The following PCDH15 variants were observed in gnomAD, a reference collection of about 807,000 sequenced individuals.
PCDH15 encodes protocadherin-15.
PCDH15 carries 129 observed loss-of-function variants against 178.5 expected under a neutral mutation model. The observed-to-expected ratio is 0.72, with a 90% CI of 0.63 to 0.84. PCDH15 has a LOEUF of 0.84. Ranked by LOEUF, PCDH15 falls within the 40% of genes least tolerant of loss-of-function variation. PCDH15 has a pLI of 0.00. For synonymous variants in PCDH15, 800 were observed against 732.0 expected, an observed-to-expected ratio of 1.09 and a Z score of -1.50; for missense variants, 2,230 against 2,099.9, an observed-to-expected ratio of 1.06 and a Z score of -1.21.
intron 1 of PCDH15, among the ~76,000 whole-genome samples, chr10:55,231,254 C>T (rs1388569287): frequency 3.3e-5 from 5 of 151,824 alleles, no homozygotes; most frequent in African/African-American, 9.7e-5. Flanking sequence ...TTGAGAAGTT[C>T]CTAAAATTGC....
intron 3 of PCDH15, among the ~76,000 whole-genome samples, chr10:54,825,180 A>G (rs1295490608): frequency 1.3e-5 from 2 of 151,976 alleles, no homozygotes; most frequent in Non-Finnish European, 2.9e-5. Context: ...AGCTTCATCC[A>G]TGTCCCTACA....
At chr10:55,551,036 A>G (rs1018967633) in intron 2 of PCDH15, among the ~76,000 whole-genome samples, 2 of 152,072 alleles carry the variant, frequency 1.3e-5, no homozygotes, top group African/African-American at 4.8e-5. Flanking sequence ...CACAAATCTT[A>G]TTTCTGAAGC....
At chr10:54,778,934 A>G (rs1301157435) in intron 1 of PCDH15, among the ~76,000 whole-genome samples, 1 of 152,108 alleles carries the variant, frequency 6.6e-6, no homozygotes, top group Non-Finnish European at 1.5e-5. Flanking sequence ...TACCAAAGGT[A>G]GAGTTGGGTT....
intron 11 of PCDH15, chr10:54,189,290 G>GAA: frequency 7.8e-7 from 1 of 1,278,562 alleles, no homozygotes; most frequent in Admixed American, 2.0e-5. Context: ...TTTTAGTGAA[G>GAA]AAAAAAAAGA....
chr10:54,972,466 G>A (rs1838958658), intron 2 of PCDH15, among the ~76,000 whole-genome samples: 2 of 152,016 alleles, frequency 1.3e-5, no homozygotes, highest in African/African-American at 4.8e-5. Flanking sequence ...CTTGAACCTG[G>A]GAGGCGGAGG....
intron 3 of PCDH15, among the ~76,000 whole-genome samples, chr10:54,467,601 GTTTT>G (rs67776985): frequency 8.8e-5 from 4 of 45,672 alleles, no homozygotes; most frequent in African/African-American, 9.1e-5. Flanking sequence ...TCAAGCTGTA[GTTTT>G]TTTTTTTTTT....
chr10:55,252,338 T>C (rs1841859607), intron 1 of PCDH15, among the ~76,000 whole-genome samples: 1 of 152,096 alleles, frequency 6.6e-6, no homozygotes, highest in African/African-American at 2.4e-5. Context: ...GTTATATAAA[T>C]CAATACCTGC....
At chr10:54,678,073 A>T (rs2094824928) in intron 1 of PCDH15, among the ~76,000 whole-genome samples, 1 of 152,212 alleles carries the variant, frequency 6.6e-6, no homozygotes, top group Non-Finnish European at 1.5e-5. Flanking sequence ...AAATTTTAGA[A>T]CTGCTGTTGT....
intron 20 of PCDH15, among the ~76,000 whole-genome samples, chr10:54,011,976 G>C (rs954289322): frequency 6.6e-6 from 1 of 152,072 alleles, no homozygotes; most frequent in African/African-American, 2.4e-5. Context: ...TCAGAATATG[G>C]GTAGGAATGA....
intron 2 of PCDH15, among the ~76,000 whole-genome samples, chr10:54,662,764 A>C (rs973296322): frequency 1.3e-5 from 2 of 152,136 alleles, no homozygotes; most frequent in African/African-American, 4.8e-5. Context: ...AATAAGAATG[A>C]AAATAGAATG....
chr10:54,900,006 C>A (rs1010497463), intron 2 of PCDH15, among the ~76,000 whole-genome samples: 1 of 151,988 alleles, frequency 6.6e-6, no homozygotes, highest in African/African-American at 2.4e-5. Flanking sequence ...TCTTTATCTG[C>A]CTATGCAATT....
chr10:54,775,097 T>A (rs1223403826), intron 1 of PCDH15, among the ~76,000 whole-genome samples: 2 of 152,186 alleles, frequency 1.3e-5, no homozygotes, highest in East Asian at 3.8e-4. Context: ...AGTACACAGA[T>A]GCTGTTAGAG....
At chr10:55,378,130 C>A (rs1216229036) in intron 2 of PCDH15, among the ~76,000 whole-genome samples, 1 of 152,048 alleles carries the variant, frequency 6.6e-6, no homozygotes, top group African/African-American at 2.4e-5. Flanking sequence ...ATGGGTGCAG[C>A]AGACCACCAT....
intron 13 of PCDH15, among the ~76,000 whole-genome samples, chr10:54,169,074 C>T (rs1350329254): frequency 2.0e-5 from 3 of 152,156 alleles, no homozygotes; most frequent in East Asian, 3.9e-4. Context: ...GCCTGCAGCC[C>T]GGGATTCCTC....
At chr10:55,157,771 C>G (rs1838931139) in intron 2 of PCDH15, among the ~76,000 whole-genome samples, 1 of 149,234 alleles carries the variant, frequency 6.7e-6, no homozygotes, top group Non-Finnish European at 1.5e-5. Context: ...CACTTGGACA[C>G]AGGAAGGGGT....
intron 2 of PCDH15, among the ~76,000 whole-genome samples, chr10:55,444,699 T>G (rs1229721709): frequency 6.6e-6 from 1 of 152,162 alleles, no homozygotes; most frequent in Non-Finnish European, 1.5e-5. Context: ...AATCCAGCTC[T>G]GCTGTAGTAA....
intron 2 of PCDH15, among the ~76,000 whole-genome samples, chr10:55,349,547 C>A (rs915333683): frequency 1.3e-5 from 2 of 151,716 alleles, no homozygotes; most frequent in Non-Finnish European, 2.9e-5. Flanking sequence ...CTTTTTAGCT[C>A]TGAAAAATTA....
chr10:53,945,837 G>GTGTA (rs1249342204), intron 23 of PCDH15, among the ~76,000 whole-genome samples: 6 of 119,440 alleles, frequency 5.0e-5, no homozygotes, highest in African/African-American at 1.6e-4. Flanking sequence ...ATATTTCATT[G>GTGTA]TATATATATA....
intron 1 of PCDH15, among the ~76,000 whole-genome samples, chr10:55,294,434 C>T (rs1403041430): frequency 6.6e-6 from 1 of 152,148 alleles, no homozygotes; most frequent in Non-Finnish European, 1.5e-5. Flanking sequence ...ACCACTGTCT[C>T]TAACTTCATA....
Sources: allele counts gnomAD v4.1 joint callset (sites outside exome capture counted in the v4.1 genomes callset), GRCh38; gene constraint gnomAD v4.1.1; transcripts MANE v1.5; gene names NCBI Gene and HGNC (gene_info 2026-07-23, HGNC 2026-07-21).